Variants in PKD1L1 observed in about 807,000 individuals in gnomAD.
The protein encoded by PKD1L1 is polycystin 1 like 1, transient receptor potential channel interacting.
PKD1L1 carries 236 observed loss-of-function variants against 323.4 expected under a neutral mutation model. The ratio of observed to expected loss-of-function variants is 0.73; its 90% CI spans 0.66 to 0.81. PKD1L1 has a LOEUF of 0.81. Ranked by LOEUF, PKD1L1 falls within the 40% of genes least tolerant of loss-of-function variation. The pLI is 0.00. For missense variants in PKD1L1, 3,320 were observed against 3,508.0 expected (o/e 0.95, Z 1.35); for synonymous variants, 1,344 against 1,335.0 (o/e 1.01, Z -0.15).
chr7:47,796,206 C>T, intron 54 of PKD1L1, 56 bp from the exon 55 acceptor site: 1 of 1,408,898 alleles, frequency 7.1e-7, no homozygotes. Context: ...AAATAAAGAG[C>T]TTTGTTAACG....
At position 47,789,190 on chromosome 7, in the gene PKD1L1, G is replaced by A. The variant is rs542914268; in HGVS notation, c.8526+3437C>T. 1.5e-3 allele frequency among the ~76,000 whole-genome samples: 227 copies of A among 152,288 alleles called. 1 individual carries two copies. Among genetic ancestry groups the A allele is most frequent in the African/African-American group, 5.3e-3 (219 of 41,566 alleles). ...TTCTGGACTTACATGCTTCTTAATAGTTTGGTGTATTTTCTCTGTGAAACC... is the reference window on the plus strand; with the variant it reads ...TTCTGGACTTACATGCTTCTTAATAATTTGGTGTATTTTCTCTGTGAAACC... On this transcript the variant is annotated intron_variant, in intron 56 of 56. Coordinates refer to ENST00000289672, the MANE Select transcript of PKD1L1 (RefSeq NM_138295.5).
intron 17 of PKD1L1, among the ~76,000 whole-genome samples, chr7:47,887,294 TG>T (rs1258230947): frequency 6.6e-6 from 1 of 152,178 alleles, no homozygotes. Flanking sequence ...GCACCAGCTC[TG>T]TTGTAGGAGC....
intron 32 of PKD1L1, among the ~76,000 whole-genome samples, chr7:47,845,757 T>A (rs944452079): frequency 3.9e-5 from 6 of 152,144 alleles, no homozygotes; most frequent in African/African-American, 1.4e-4. Flanking sequence ...AATTTTGTAT[T>A]TTTAGTAGAG....
chr7:47,787,362 G>A (rs757695050), intron 56 of PKD1L1, among the ~76,000 whole-genome samples: 69 of 152,298 alleles, frequency 4.5e-4, no homozygotes, highest in Non-Finnish European at 3.5e-4. Context: ...TCCAGAAAGC[G>A]TTGTGTTTTC....
rs557728585 is a variant in PKD1L1 at position 47,923,299 on chromosome 7, G to A, written c.1060+5905C>T. Among the ~76,000 whole-genome samples the A allele has an allele frequency of 9.1e-5, 13 of 142,460 alleles. No homozygotes were observed. In the South Asian group the frequency reaches 1.1e-3, roughly 12 times the overall value. 93.5% of individuals were successfully genotyped at this position (142,460 alleles called of 152,430 possible). ...TGTCCTATGACCCTGCCAAATCCCCGTCTCCGAGAAACACCCAAGAATGAT... is the reference window on the plus strand; with the variant it reads ...TGTCCTATGACCCTGCCAAATCCCCATCTCCGAGAAACACCCAAGAATGAT... On this transcript the variant is annotated intron_variant, in intron 7 of 56. Coordinates refer to ENST00000289672, the MANE Select transcript of PKD1L1 (RefSeq NM_138295.5).
At chr7:47,865,158 C>A (rs1052331574) in intron 26 of PKD1L1, 58 bp downstream of exon 26, 5 of 1,251,758 alleles carry the variant, frequency 4.0e-6, no homozygotes, top group Admixed American at 3.7e-5. Context: ...AAGAACTGAT[C>A]ATGTCCCTCA....
chr7:47,904,484 C>CCA lies in PKD1L1; in HGVS notation c.1823_1824dup (p.Ala609TrpfsTer56), dbSNP rs1355497357. The stretch of plus-strand genomic sequence containing the variant: ...CCGAAGTTGATCCAGCACTCAAAGG[C>CCA]CACACTGGCATTTACCAGAGCTGAG... On this transcript the variant is annotated frameshift_variant, in exon 12 of 57. Coordinates refer to ENST00000289672, the MANE Select transcript of PKD1L1 (RefSeq NM_138295.5). LOFTEE classifies it high-confidence loss of function. 1 of 1,614,060 alleles carries CCA rather than the reference C, an allele frequency of 6.2e-7. No individual in the cohort carries two copies. The highest frequency in any genetic ancestry group is 1.3e-5 in the African/African-American group (1 of 74,916).
chr7:47,899,763 T>A (rs909721784), intron 13 of PKD1L1, among the ~76,000 whole-genome samples: 1 of 152,094 alleles, frequency 6.6e-6, no homozygotes, highest in Non-Finnish European at 1.5e-5. Context: ...AAGACCATCC[T>A]GGCTAACACG....
chr7:47,854,985 G>T lies in PKD1L1; in HGVS notation c.4756C>A (p.His1586Asn). The T allele has an allele frequency of 6.2e-7, 1 of 1,613,854 alleles. No homozygotes were observed. Among genetic ancestry groups the T allele is most frequent in the African/African-American group, 1.3e-5 (1 of 75,026 alleles). The part of the protein sequence containing the change: ...FVLLRDKVNL[H>N]QFTELSENPQ... ...TTTTCGGAAAGCTCAGTGAACTGAT[G>T]GAGATTCACTTTATCCCGAAGTAAT... Residue 1586 changes from histidine (H) to asparagine (N), a missense_variant, in exon 30 of 57, where the codon CAT (histidine) becomes AAT (asparagine). His to Asn is a moderately conservative substitution (Grantham distance 68). Coordinates refer to ENST00000289672, the MANE Select transcript of PKD1L1 (RefSeq NM_138295.5).
intron 56 of PKD1L1, among the ~76,000 whole-genome samples, chr7:47,785,930 C>T (rs151256439): frequency 3.0e-3 from 462 of 151,992 alleles, no homozygotes; most frequent in African/African-American, 0.01. Flanking sequence ...TTAGGAGGCA[C>T]GGGGTTTCAC....
Position 47,809,528 on chromosome 7 carries a change from C to G in PKD1L1, c.7631G>C (p.Arg2544Pro). Residue 2544 changes from arginine (R) to proline (P), a missense_variant, in exon 51 of 57, where the codon CGT becomes CCT. Arg to Pro is a moderately radical substitution (Grantham distance 103). Transcript: ENST00000289672. The part of the protein sequence containing the change: ...SLIHLCVQLY[R>P]MMDKGVLSYW... Reference sequence around the variant, plus strand: ...GCTGAGGACGCCCTTGTCCATCATACGGTAGAGTTGAACACAGAGGTGGAT... The same window carrying G: ...GCTGAGGACGCCCTTGTCCATCATAGGGTAGAGTTGAACACAGAGGTGGAT... The G allele has an allele frequency of 6.2e-7, 1 of 1,609,412 alleles. No individual in the cohort carries two copies.
intron 54 of PKD1L1, among the ~76,000 whole-genome samples, 193 bp downstream of exon 54, chr7:47,800,456 G>A (rs1228716080): frequency 6.6e-6 from 1 of 152,184 alleles, no homozygotes; most frequent in East Asian, 1.9e-4. Context: ...CTATTCTAGA[G>A]TAAGGGAGAG....
intron 56 of PKD1L1, among the ~76,000 whole-genome samples, chr7:47,786,745 A>T (rs1235510792): frequency 2.0e-5 from 3 of 152,224 alleles, no homozygotes; most frequent in African/African-American, 7.2e-5. Context: ...GTGGTGAGTC[A>T]TCGCAGTAGA....
At chr7:47,951,304 CT>C (rs1936347853), upstream of PKD1L1, among the ~76,000 whole-genome samples, 1 of 152,180 alleles carries the variant, frequency 6.6e-6, no homozygotes, top group South Asian at 2.1e-4. Flanking sequence ...ACGGAACCCC[CT>C]GGCTGGAAGA....
chr7:47,898,150 AG>A lies in PKD1L1; in HGVS notation c.2108del (p.Ala703ValfsTer17). ...CTTGGGAAATATCACAGAAGACTGC[AG>A]CTTCAAACGTCACTCCCAGCCTCAC... The part of the protein sequence containing the change: ...QPVRLGVTFE[A>X]AVFCDISQGL... On this transcript the variant is annotated frameshift_variant, in exon 14 of 57. Coordinates refer to ENST00000289672, the MANE Select transcript of PKD1L1 (RefSeq NM_138295.5). LOFTEE classifies it high-confidence loss of function. The A allele has an allele frequency of 1.2e-6, 2 of 1,614,212 alleles. No homozygotes were observed. Among genetic ancestry groups the A allele is most frequent in the Non-Finnish European group, 1.7e-6 (2 of 1,180,030 alleles).
chr7:47,949,622 AG>A (rs1021363059), upstream of PKD1L1, among the ~76,000 whole-genome samples: 4 of 152,144 alleles, frequency 2.6e-5, no homozygotes, highest in Admixed American at 2.6e-4. Flanking sequence ...AGCACTTGTT[AG>A]TTGTCTTAGT....
rs1232871846 is a variant in PKD1L1, at chr7:47,813,211, A to C, written c.7256T>G (p.Leu2419Arg). The C allele has an allele frequency of 3.8e-5, 62 of 1,614,056 alleles. No individual in the cohort carries two copies. The highest frequency in any genetic ancestry group is 5.2e-5 in the Non-Finnish European group (61 of 1,180,044). The stretch of plus-strand genomic sequence containing the variant: ...CACGTTTTGGTTCTCTGGGTCTATC[A>C]GGTAGGGGTTCTCAGGGCCTCCAAC... ...PEVGGPENPY[L>R]IDPENQNVTL... Residue 2419 changes from leucine (L) to arginine (R), a missense_variant, in exon 49 of 57, where the codon CTG becomes CGG. By Grantham distance (102) the Leu-to-Arg change is moderately radical. Coordinates refer to ENST00000289672, the MANE Select transcript of PKD1L1 (RefSeq NM_138295.5).
At chr7:47,835,300 GCAGT>G in intron 37 of PKD1L1, 57 bp from the exon 38 acceptor site, 1 of 1,106,850 alleles carries the variant, frequency 9.0e-7, no homozygotes, top group Middle Eastern at 2.6e-4. Context: ...CGCTTAAAAC[GCAGT>G]CATTGTGTAA....
At chr7:47,838,315 T>C (rs1330075184) in intron 36 of PKD1L1, among the ~76,000 whole-genome samples, 1 of 152,206 alleles carries the variant, frequency 6.6e-6, no homozygotes, top group Non-Finnish European at 1.5e-5. Context: ...GAAAGCCCAG[T>C]GGCCTGGCAA....
Sources: allele counts gnomAD v4.1 joint callset (sites outside exome capture counted in the v4.1 genomes callset), GRCh38; gene constraint gnomAD v4.1.1; transcripts MANE v1.5; gene names NCBI Gene and HGNC (gene_info 2026-07-23, HGNC 2026-07-21).